The following CYP2C18 variants were observed in gnomAD, a reference collection of about 807,000 sequenced individuals.
The protein encoded by CYP2C18 is cytochrome P450 2C18.
In CYP2C18, 38 loss-of-function variants were observed where a neutral mutation model predicts 41.3. That is an observed-to-expected ratio of 0.92 (90% CI 0.71 to 1.21). CYP2C18 has a LOEUF of 1.21. CYP2C18 is among the 50% of genes most tolerant of loss of function. The pLI, the probability that CYP2C18 is intolerant of heterozygous loss-of-function variation, is 0.00. For missense variants in CYP2C18, 635 were observed against 591.4 expected (o/e 1.07, Z -0.77); for synonymous variants, 236 against 210.0 (o/e 1.12, Z -1.07).
At chr10:94,707,343 G>A (rs1196851324) in intron 5 of CYP2C18, among the ~76,000 whole-genome samples, 2 of 152,156 alleles carry the variant, frequency 1.3e-5, no homozygotes, top group African/African-American at 2.4e-5. Flanking sequence ...TGGTGTAAAT[G>A]TTAAAATATT....
chr10:94,694,256 G>T (rs938281655), intron 3 of CYP2C18, among the ~76,000 whole-genome samples: 1 of 151,952 alleles, frequency 6.6e-6, no homozygotes, highest in Non-Finnish European at 1.5e-5. Flanking sequence ...AACTTTTTCT[G>T]TCTGCTCTAT....
intron 6 of CYP2C18, 147 bp downstream of exon 6, chr10:94,720,684 G>A (rs899500270): frequency 3.9e-6 from 3 of 776,960 alleles, no homozygotes; most frequent in Admixed American, 2.8e-5. Context: ...ATATGATGAA[G>A]GGATAAGAAT....
intron 5 of CYP2C18, among the ~76,000 whole-genome samples, chr10:94,709,814 T>C (rs1321279924): frequency 6.6e-6 from 1 of 151,730 alleles, no homozygotes; most frequent in African/African-American, 2.4e-5. Context: ...ATTCTTTGCA[T>C]GTGCATTCAG....
chr10:94,698,444 C>A (rs1037408433), intron 4 of CYP2C18, among the ~76,000 whole-genome samples: 7 of 152,142 alleles, frequency 4.6e-5, no homozygotes, highest in Non-Finnish European at 8.8e-5. Context: ...AGAACAAAGA[C>A]ACAACATACC....
chr10:94,733,529 G>A (rs761406292), intron 8 of CYP2C18, 91 bp downstream of exon 8: 12 of 1,564,752 alleles, frequency 7.7e-6, no homozygotes, highest in African/African-American at 2.7e-5. Flanking sequence ...TCTGAGGTTT[G>A]GCTGAATTGC....
chr10:94,717,377 G>T lies in CYP2C18; in HGVS notation c.820-3019G>T, dbSNP rs139097730. Among the ~76,000 whole-genome samples, 706 of 152,188 alleles carry T rather than the reference G, an allele frequency of 4.6e-3. 3 individuals are homozygous for T. Among genetic ancestry groups the T allele is most frequent in the African/African-American group, 0.016 (684 of 41,530 alleles). ...CTGGTGCTCTTGTAGGGCAGGCATG[G>T]TGGTGACAAAATCTCTCAGGGTTTG... On this transcript the variant is annotated intron_variant, in intron 5 of 8. Transcript: ENST00000285979.
chr10:94,700,762 C>G (rs538127434), intron 4 of CYP2C18, among the ~76,000 whole-genome samples: 1 of 152,182 alleles, frequency 6.6e-6, no homozygotes, highest in Non-Finnish European at 1.5e-5. Context: ...ACAATGAACT[C>G]AAACTAATTT....
chr10:94,701,550 A>T (rs1006636276), intron 4 of CYP2C18, among the ~76,000 whole-genome samples: 14 of 152,228 alleles, frequency 9.2e-5, no homozygotes, highest in Admixed American at 3.3e-4. Context: ...GCACACCAAC[A>T]TGGCACATGT....
chr10:94,726,036 G>A (rs1489881800), intron 7 of CYP2C18, among the ~76,000 whole-genome samples: 1 of 151,908 alleles, frequency 6.6e-6, no homozygotes, highest in Non-Finnish European at 1.5e-5. Context: ...ATAAATTTTG[G>A]TTAAGTGCCA....
At chr10:94,720,585 G>C in intron 6 of CYP2C18, 48 bp downstream of exon 6, 2 of 1,551,472 alleles carry the variant, frequency 1.3e-6, no homozygotes, top group South Asian at 2.3e-5. Context: ...AAAAGATGTT[G>C]GGAAGACACT....
chr10:94,699,107 G>A (rs1258185079), intron 4 of CYP2C18, among the ~76,000 whole-genome samples: 2 of 152,130 alleles, frequency 1.3e-5, no homozygotes, highest in East Asian at 3.8e-4. Context: ...GAAAAAGAGG[G>A]AATCCTCCCT....
chr10:94,694,928 G>A lies in CYP2C18; in HGVS notation c.493G>A (p.Asp165Asn), dbSNP rs957112623. 6.2e-7 allele frequency: 1 copy of A among 1,612,034 alleles called. No homozygotes were observed. Reference protein sequence around the residue: ...ELRKTNASPCDPTFILGCAPC... With the variant: ...ELRKTNASPCNPTFILGCAPC... ...TTCCAATCCTTTAGCCTCACCCTGTGATCCCACTTTCATCCTGGGCTGTGC... is the reference window on the plus strand; with the variant it reads ...TTCCAATCCTTTAGCCTCACCCTGTAATCCCACTTTCATCCTGGGCTGTGC... Residue 165 changes from aspartate (D) to asparagine (N), a missense_variant, in exon 4 of 9, where the codon GAT (aspartate) becomes AAT (asparagine). Asp to Asn is a conservative substitution (Grantham distance 23). Transcript: ENST00000285979.
Position 94,735,374 on chromosome 10 carries a change from A to G in CYP2C18, c.1403A>G (p.Asp468Gly). Residue 468 changes from aspartate (D) to glycine (G), a missense_variant, in exon 9 of 9, where the codon GAC (aspartate) becomes GGC (glycine). Asp to Gly is a moderately conservative substitution (Grantham distance 94, BLOSUM62 -1). Transcript: ENST00000285979. Reference sequence around the variant, plus strand: ...TCTCAGGTTGACCCAAAGGATATTGACATCACCCCCATTGCCAATGCATTT... The same window carrying G: ...TCTCAGGTTGACCCAAAGGATATTGGCATCACCCCCATTGCCAATGCATTT... ...LKSQVDPKDI[D>G]ITPIANAFGR... 6.2e-7 allele frequency: 1 copy of G among 1,613,752 alleles called. No homozygotes were observed. The highest frequency in any genetic ancestry group is 1.7e-5 in the Admixed American group (1 of 59,964).
intron 5 of CYP2C18, among the ~76,000 whole-genome samples, chr10:94,717,134 C>T (rs908241519): frequency 6.6e-6 from 1 of 152,050 alleles, no homozygotes; most frequent in African/African-American, 2.4e-5. Context: ...ACTCTTTATC[C>T]AGTTTGCTAG....
chr10:94,700,657 A>G (rs1847220590), intron 4 of CYP2C18, among the ~76,000 whole-genome samples: 2 of 152,238 alleles, frequency 1.3e-5, no homozygotes, highest in Non-Finnish European at 2.9e-5. Context: ...TCTGCACAGC[A>G]AAACAAACCA....
chr10:94,705,477 C>A (rs768424164), intron 4 of CYP2C18, among the ~76,000 whole-genome samples: 1 of 152,186 alleles, frequency 6.6e-6, no homozygotes, highest in Non-Finnish European at 1.5e-5. Context: ...ACCTATGTAA[C>A]AAACCTGCAC....
intron 6 of CYP2C18, among the ~76,000 whole-genome samples, chr10:94,720,843 G>A (rs557179500): frequency 2.6e-5 from 4 of 152,278 alleles, no homozygotes; most frequent in Non-Finnish European, 5.9e-5. Flanking sequence ...AGCAGGCACA[G>A]GCATGATGAA....
At chr10:94,734,451 C>T (rs761243927) in intron 8 of CYP2C18, among the ~76,000 whole-genome samples, 8 of 152,064 alleles carry the variant, frequency 5.3e-5, no homozygotes, top group African/African-American at 1.4e-4. Flanking sequence ...ATAGAATTCC[C>T]GGTGATCTAT....
chr10:94,688,098 C>G (rs117690007), intron 2 of CYP2C18, 27 bp from the exon 3 acceptor site: 1 of 1,612,888 alleles, frequency 6.2e-7, no homozygotes, highest in African/African-American at 1.3e-5. Flanking sequence ...GATTCTCCCT[C>G]GTAGCTTCTG....
Sources: gnomAD v4.1 joint callset for allele counts (sites outside exome capture counted in the v4.1 genomes callset) on GRCh38, gnomAD v4.1.1 for gene constraint, MANE v1.5 for transcripts, NCBI Gene and HGNC (gene_info 2026-07-23, HGNC 2026-07-21) for gene names.